The following RPRD2 variants were observed in gnomAD, a reference collection of about 807,000 sequenced individuals.
RPRD2 encodes the protein regulation of nuclear pre-mRNA domain containing 2.
RPRD2 carries 12 observed loss-of-function variants against 104.4 expected under a neutral mutation model. The observed-to-expected ratio is 0.11, with a 90% CI of 0.07 to 0.19. RPRD2 has a LOEUF of 0.19. Ranked by LOEUF, RPRD2 falls within the 10% of genes least tolerant of loss-of-function variation. The probability of loss-of-function intolerance (pLI) is 1.00; values close to 1 mark genes in which losing one functional copy is unlikely to be tolerated. For missense variants in RPRD2, 1,543 were observed against 1,790.1 expected (o/e 0.86, Z 2.49); for synonymous variants, 714 against 684.9 (o/e 1.04, Z -0.66).
intron 1 of RPRD2, among the ~76,000 whole-genome samples, chr1:150,380,001 A>C (rs587757898): frequency 6.6e-6 from 1 of 152,320 alleles, no homozygotes; most frequent in East Asian, 1.9e-4. Flanking sequence ...TCATCTTAAC[A>C]TCGCATATTG....
chr1:150,385,731 CCT>C (rs1661514872), intron 1 of RPRD2, among the ~76,000 whole-genome samples: 1 of 152,124 alleles, frequency 6.6e-6, no homozygotes, highest in Non-Finnish European at 1.5e-5. Context: ...GTTTAACTCC[CCT>C]GAGTAGTGCT....
chr1:150,407,026 G>A (rs587611872), intron 1 of RPRD2, among the ~76,000 whole-genome samples: 1 of 152,234 alleles, frequency 6.6e-6, no homozygotes, highest in Non-Finnish European at 1.5e-5. Context: ...GTAAATTCTT[G>A]TAAGTTCGAA....
intron 1 of RPRD2, among the ~76,000 whole-genome samples, chr1:150,412,936 GT>G (rs1467946289): frequency 1.3e-5 from 2 of 151,906 alleles, no homozygotes; most frequent in Non-Finnish European, 2.9e-5. Flanking sequence ...TGGGCTGTGG[GT>G]TTTTTGTTTT....
intron 2 of RPRD2, among the ~76,000 whole-genome samples, chr1:150,427,460 G>A (rs587737578): frequency 2.0e-5 from 3 of 149,038 alleles, no homozygotes; most frequent in South Asian, 2.1e-4. Flanking sequence ...GCAACAGAGC[G>A]AGACTCTATC....
chr1:150,464,774 T>C (rs782060848), intron 10 of RPRD2, 47 bp downstream of exon 10: 1 of 1,432,110 alleles, frequency 7.0e-7, no homozygotes, highest in Non-Finnish European at 9.7e-7. Flanking sequence ...TGTTTGTCTC[T>C]GGCTTAAATT....
At chr1:150,413,740 A>G (rs1412701225) in intron 1 of RPRD2, among the ~76,000 whole-genome samples, 2 of 151,780 alleles carry the variant, frequency 1.3e-5, no homozygotes, top group African/African-American at 2.4e-5. Flanking sequence ...AGCCTGACCA[A>G]CATAGAGAAA....
chr1:150,381,169 T>C (rs1431372733), intron 1 of RPRD2, among the ~76,000 whole-genome samples: 1 of 151,432 alleles, frequency 6.6e-6, no homozygotes, highest in Admixed American at 6.6e-5. Flanking sequence ...ATGCCTGTAA[T>C]CCCAGCGCTA....
At chr1:150,372,791 G>A (rs1553878706) in intron 1 of RPRD2, among the ~76,000 whole-genome samples, 1 of 152,102 alleles carries the variant, frequency 6.6e-6, no homozygotes, top group Non-Finnish European at 1.5e-5. Context: ...AAGTCCTGAG[G>A]TTAGAGTGTG....
chr1:150,384,448 ATCATTATTATTATTATTATTAT>A (rs200193643), intron 1 of RPRD2, among the ~76,000 whole-genome samples: 7,027 of 107,642 alleles, frequency 0.065, 428 homozygotes, highest in African/African-American at 0.15. Flanking sequence ...AGGCATCATC[ATCATTATTATTATTATTATTAT>A]TATTATTATT....
chr1:150,460,389 G>GT, intron 9 of RPRD2, 72 bp downstream of exon 9: 59 of 1,392,850 alleles, frequency 4.2e-5, no homozygotes, highest in Non-Finnish European at 5.7e-5. Context: ...ATCTGTTTTT[G>GT]GGGGGGTTGT....
intron 1 of RPRD2, among the ~76,000 whole-genome samples, chr1:150,385,800 G>C (rs1281501005): frequency 2.0e-5 from 3 of 152,104 alleles, no homozygotes; most frequent in African/African-American, 7.2e-5. Context: ...TTTTTCTCTT[G>C]GCCAACTTGA....
chr1:150,426,553 A>G (rs1309516122), intron 2 of RPRD2, among the ~76,000 whole-genome samples: 1 of 152,222 alleles, frequency 6.6e-6, no homozygotes, highest in Non-Finnish European at 1.5e-5. Context: ...ATCCATCTCA[A>G]GAAGTTTTAA....
chr1:150,374,391 TTAACC>T (rs1660550505), intron 1 of RPRD2, among the ~76,000 whole-genome samples: 1 of 152,196 alleles, frequency 6.6e-6, no homozygotes, highest in South Asian at 2.1e-4. Context: ...TCCTTTATAA[TTAACC>T]AGTAAACGTG....
rs1360936140 is a variant in RPRD2, at chr1:150,364,324, CA to C, written c.-390del. On this transcript the variant is annotated 5_prime_UTR_variant, in exon 1 of 11. Transcript: ENST00000369068. ...GACCTGGCTCACAGGAGTGTGGGAA[CA>C]GGGGCGGGGAAGGGCCTTAGCACTG... Among the ~76,000 whole-genome samples the C allele has an allele frequency of 6.6e-6, 1 of 152,138 alleles. No individual in the cohort carries two copies. The highest frequency in any genetic ancestry group is 1.5e-5 in the Non-Finnish European group (1 of 68,008).
At chr1:150,392,245 G>C (rs587606684) in intron 1 of RPRD2, among the ~76,000 whole-genome samples, 1 of 152,094 alleles carries the variant, frequency 6.6e-6, no homozygotes, top group East Asian at 1.9e-4. Context: ...AGTGGCTCAC[G>C]CCTGTAATCC....
intron 1 of RPRD2, among the ~76,000 whole-genome samples, chr1:150,368,717 C>T (rs1235411573): frequency 6.6e-6 from 1 of 151,994 alleles, no homozygotes; most frequent in African/African-American, 2.4e-5. Flanking sequence ...ACCTGCCTCT[C>T]AGCCTCCCAA....
At chr1:150,367,482 C>G (rs911632685) in intron 1 of RPRD2, among the ~76,000 whole-genome samples, 4 of 151,936 alleles carry the variant, frequency 2.6e-5, no homozygotes, top group Non-Finnish European at 5.9e-5. Context: ...CATTCCCAGC[C>G]TTTCTGTCCA....
At chr1:150,447,474 A>G (rs1376944469) in intron 7 of RPRD2, among the ~76,000 whole-genome samples, 1 of 151,190 alleles carries the variant, frequency 6.6e-6, no homozygotes, top group Admixed American at 6.6e-5. Flanking sequence ...AGCTGGGATT[A>G]CAGGCATGTG....
At chr1:150,364,998 C>A in intron 1 of RPRD2, 79 bp downstream of exon 1, 1 of 1,424,466 alleles carries the variant, frequency 7.0e-7, no homozygotes, top group Non-Finnish European at 9.7e-7. Context: ...GGGGTTTTCC[C>A]ACGGAGCCGC....
Sources: allele counts gnomAD v4.1 joint callset (sites outside exome capture counted in the v4.1 genomes callset), GRCh38; gene constraint gnomAD v4.1.1; transcripts MANE v1.5; gene names NCBI Gene and HGNC (gene_info 2026-07-23, HGNC 2026-07-21).